FHIT: variants seen among roughly 807,000 people sequenced by gnomAD.
FHIT encodes bis(5'-adenosyl)-triphosphatase.
FHIT carries 19 observed loss-of-function variants against 17.9 expected under a neutral mutation model. That is an observed-to-expected ratio of 1.06 (90% CI 0.74 to 1.56). The LOEUF is 1.56. FHIT is among the 40% of genes most tolerant of loss of function. FHIT has a pLI of 0.00. For synonymous variants in FHIT, 81 were observed against 69.7 expected (o/e 1.16, Z -0.81); for missense variants, 248 against 189.2 (o/e 1.31, Z -1.82).
At chr3:60,759,454 A>G (rs1325124222) in intron 4 of FHIT, among the ~76,000 whole-genome samples, 2 of 152,200 alleles carry the variant, frequency 1.3e-5, no homozygotes, top group African/African-American at 2.4e-5. Context: ...TTTCGAAAAC[A>G]TCAGTATTTA....
intron 4 of FHIT, among the ~76,000 whole-genome samples, chr3:60,772,303 T>C (rs2108076500): frequency 7.3e-6 from 1 of 137,278 alleles, no homozygotes. Flanking sequence ...AGTAGATTGT[T>C]CACTTCTCAT....
At chr3:59,922,005 CT>C (rs1308912456) in intron 8 of FHIT, among the ~76,000 whole-genome samples, 3 of 152,102 alleles carry the variant, frequency 2.0e-5, no homozygotes, top group Non-Finnish European at 4.4e-5. Flanking sequence ...TATCAATCTG[CT>C]TGATTTCCAG....
intron 5 of FHIT, among the ~76,000 whole-genome samples, chr3:60,153,860 C>T (rs1188663294): frequency 6.6e-6 from 1 of 152,172 alleles, no homozygotes; most frequent in Non-Finnish European, 1.5e-5. Flanking sequence ...CTATTCACTA[C>T]ACATTCACAT....
intron 5 of FHIT, among the ~76,000 whole-genome samples, chr3:60,444,702 G>C (rs1185871511): frequency 2.0e-5 from 3 of 152,026 alleles, no homozygotes; most frequent in South Asian, 2.1e-4. Context: ...TTGTTGGGTG[G>C]GGGGAGTGGG....
At chr3:59,940,806 GC>G (rs1410079135) in intron 7 of FHIT, among the ~76,000 whole-genome samples, 6 of 152,102 alleles carry the variant, frequency 3.9e-5, no homozygotes, top group Non-Finnish European at 8.8e-5. Flanking sequence ...TCTTAGCACC[GC>G]CCCTGGCACC....
intron 5 of FHIT, among the ~76,000 whole-genome samples, chr3:60,079,613 T>C (rs924195399): frequency 2.6e-5 from 4 of 151,984 alleles, no homozygotes; most frequent in African/African-American, 9.7e-5. Context: ...CCCTACCTTC[T>C]CTTATTTTTT....
intron 5 of FHIT, among the ~76,000 whole-genome samples, chr3:60,025,754 G>A (rs574833304): frequency 4.6e-4 from 68 of 148,972 alleles, no homozygotes; most frequent in Middle Eastern, 3.6e-3. Context: ...AAAAAAGAGA[G>A]AGTGAAAACT....
chr3:61,026,070 T>G (rs915657975), intron 3 of FHIT, among the ~76,000 whole-genome samples: 2 of 152,212 alleles, frequency 1.3e-5, no homozygotes, highest in Non-Finnish European at 2.9e-5. Flanking sequence ...TTTTTATCTT[T>G]ACATCTATAC....
intron 5 of FHIT, among the ~76,000 whole-genome samples, chr3:60,153,906 T>C (rs921337554): frequency 1.3e-5 from 2 of 152,204 alleles, no homozygotes; most frequent in African/African-American, 2.4e-5. Flanking sequence ...AAGAACAAGA[T>C]AGACACTGCT....
intron 5 of FHIT, among the ~76,000 whole-genome samples, chr3:60,400,548 T>G (rs552416255): frequency 2.0e-5 from 3 of 152,084 alleles, no homozygotes; most frequent in African/African-American, 7.2e-5. Context: ...TGTAGGGATA[T>G]GTAAGAAACA....
At chr3:60,440,056 A>C (rs1006306132) in intron 5 of FHIT, among the ~76,000 whole-genome samples, 1 of 152,082 alleles carries the variant, frequency 6.6e-6, no homozygotes, top group African/African-American at 2.4e-5. Context: ...GTTCTAAGCC[A>C]ACCTAGCCCC....
intron 5 of FHIT, among the ~76,000 whole-genome samples, chr3:60,518,349 A>G (rs979414102): frequency 6.6e-6 from 1 of 152,236 alleles, no homozygotes; most frequent in African/African-American, 2.4e-5. Flanking sequence ...ACTTATTGAT[A>G]AAGGTAATGT....
chr3:60,261,499 T>C (rs72872809), intron 5 of FHIT, among the ~76,000 whole-genome samples: 2,157 of 152,126 alleles, frequency 0.014, 47 homozygotes, highest in African/African-American at 0.049. Context: ...TAAGGGAGTC[T>C]ATTTGTAAGA....
intron 5 of FHIT, among the ~76,000 whole-genome samples, chr3:60,249,046 C>T (rs1380401962): frequency 6.6e-6 from 1 of 152,034 alleles, no homozygotes; most frequent in African/African-American, 2.4e-5. Context: ...TAGGTTTTGC[C>T]ATTTCTTTAT....
At chr3:59,772,580 T>A (rs1213641282) in intron 8 of FHIT, among the ~76,000 whole-genome samples, 1 of 152,120 alleles carries the variant, frequency 6.6e-6, no homozygotes, top group East Asian at 1.9e-4. Flanking sequence ...GGGATGCAAA[T>A]GCAGGCAGGC....
chr3:61,088,994 A>G (rs1432251400), intron 2 of FHIT, among the ~76,000 whole-genome samples: 1 of 152,188 alleles, frequency 6.6e-6, no homozygotes, highest in Non-Finnish European at 1.5e-5. Flanking sequence ...TGGAGGTAGA[A>G]ATGATTCCCA....
intron 5 of FHIT, among the ~76,000 whole-genome samples, chr3:60,388,751 C>T (rs1030172024): frequency 6.6e-6 from 1 of 152,238 alleles, no homozygotes; most frequent in African/African-American, 2.4e-5. Flanking sequence ...AATCACACAG[C>T]TCTCTGCACA....
intron 2 of FHIT, among the ~76,000 whole-genome samples, chr3:61,057,136 G>T (rs1211615136): frequency 6.6e-6 from 1 of 152,164 alleles, no homozygotes; most frequent in Admixed American, 6.5e-5. Flanking sequence ...TTCCAGAGAT[G>T]ATTCTGTTTA....
intron 2 of FHIT, among the ~76,000 whole-genome samples, chr3:61,171,175 G>A (rs569081106): frequency 4.6e-5 from 7 of 152,214 alleles, no homozygotes; most frequent in Admixed American, 1.3e-4. Context: ...ATCTCATTGC[G>A]GTGTTGATTT....
Sources: allele counts gnomAD v4.1 joint callset (sites outside exome capture counted in the v4.1 genomes callset), GRCh38; gene constraint gnomAD v4.1.1; transcripts MANE v1.5; gene names NCBI Gene and HGNC (gene_info 2026-07-23, HGNC 2026-07-21).